Variants in NRG3 observed in about 807,000 individuals in gnomAD.
The protein encoded by NRG3 is neuregulin 3.
Under a neutral mutation model 66.9 loss-of-function variants are expected in NRG3, and 31 were observed. That is an observed-to-expected ratio of 0.46 (90% CI 0.35 to 0.63). NRG3 has a LOEUF of 0.63. Among genes scored for constraint, NRG3 ranks in the 20% least tolerant of loss-of-function variants. NRG3 has a pLI of 0.00. For synonymous variants in NRG3, 393 were observed against 359.4 expected (o/e 1.09, Z -1.06); for missense variants, 910 against 878.9 (o/e 1.04, Z -0.45).
At chr10:81,988,465 T>A (rs2060610265) in intron 1 of NRG3, among the ~76,000 whole-genome samples, 1 of 152,198 alleles carries the variant, frequency 6.6e-6, no homozygotes, top group South Asian at 2.1e-4. Context: ...TTGTTATTAT[T>A]ATTGCTAATG....
At chr10:81,991,404 G>A (rs2060735034) in intron 1 of NRG3, among the ~76,000 whole-genome samples, 1 of 152,132 alleles carries the variant, frequency 6.6e-6, no homozygotes, top group African/African-American at 2.4e-5. Context: ...CATGCTCAAA[G>A]TCTGTTAATG....
intron 1 of NRG3, among the ~76,000 whole-genome samples, chr10:82,244,202 G>C (rs149267641): frequency 1.3e-5 from 2 of 152,012 alleles, no homozygotes; most frequent in Non-Finnish European, 2.9e-5. Context: ...AATAGCATTC[G>C]TGCTGTTCAA....
chr10:82,215,963 C>T (rs1423524261), intron 1 of NRG3, among the ~76,000 whole-genome samples: 13 of 89,696 alleles, frequency 1.4e-4, no homozygotes, highest in East Asian at 4.7e-4. Flanking sequence ...TTATGTTTTC[C>T]TTTTTTTTTT....
chr10:82,102,287 C>A (rs552634304), intron 1 of NRG3, among the ~76,000 whole-genome samples: 1 of 149,732 alleles, frequency 6.7e-6, no homozygotes, highest in Non-Finnish European at 1.5e-5. Context: ...GCCATCCCAT[C>A]ATTCTTTGGT....
chr10:82,096,329 A>G (rs1404517893), intron 1 of NRG3, among the ~76,000 whole-genome samples: 1 of 152,058 alleles, frequency 6.6e-6, no homozygotes, highest in Admixed American at 6.5e-5. Context: ...ACAACAAATT[A>G]GCTGGGCATG....
chr10:82,567,071 G>T (rs2045454669), intron 2 of NRG3, among the ~76,000 whole-genome samples: 1 of 151,934 alleles, frequency 6.6e-6, no homozygotes, highest in African/African-American at 2.4e-5. Context: ...AAACCCACAG[G>T]TTCCATGGTC....
intron 3 of NRG3, among the ~76,000 whole-genome samples, chr10:82,740,074 T>C (rs186278528): frequency 6.6e-6 from 1 of 151,986 alleles, no homozygotes; most frequent in African/African-American, 2.4e-5. Context: ...TTTCTGTTTT[T>C]ATCCCTTCTC....
chr10:82,555,003 C>T (rs1291977097), intron 2 of NRG3, among the ~76,000 whole-genome samples: 1 of 152,152 alleles, frequency 6.6e-6, no homozygotes, highest in Non-Finnish European at 1.5e-5. Context: ...CCTTCCTCCA[C>T]TCCCTCACTG....
At chr10:82,731,790 A>G (rs975195764) in intron 2 of NRG3, among the ~76,000 whole-genome samples, 2 of 152,214 alleles carry the variant, frequency 1.3e-5, no homozygotes, top group Non-Finnish European at 2.9e-5. Context: ...CTATATATCC[A>G]GTAGTGGGAC....
intron 2 of NRG3, among the ~76,000 whole-genome samples, chr10:82,360,404 T>A (rs1178003222): frequency 6.6e-6 from 1 of 152,176 alleles, no homozygotes; most frequent in Non-Finnish European, 1.5e-5. Context: ...ATGCAATCAA[T>A]TATGTTTGAA....
At chr10:82,942,647 G>GCCTTGCCCTTGC (rs372980532) in intron 4 of NRG3, among the ~76,000 whole-genome samples, 3 of 152,326 alleles carry the variant, frequency 2.0e-5, no homozygotes, top group African/African-American at 2.4e-5. Context: ...CCTGGCCTGA[G>GCCTTGCCCTTGC]CCTTGCCCTT....
chr10:82,789,379 T>C (rs2060494505), intron 3 of NRG3, among the ~76,000 whole-genome samples: 1 of 152,122 alleles, frequency 6.6e-6, no homozygotes. Context: ...GTTCTTTATA[T>C]ACTCAGTGGA....
chr10:82,761,912 T>TTCTTTCTTTC (rs973337472), intron 3 of NRG3, among the ~76,000 whole-genome samples: 56 of 140,006 alleles, frequency 4.0e-4, no homozygotes, highest in African/African-American at 1.5e-3. Flanking sequence ...TCTTTCTTCT[T>TTCTTTCTTTC]TCTTTCTTTC....
intron 1 of NRG3, among the ~76,000 whole-genome samples, chr10:82,021,347 T>C (rs1290137464): frequency 6.6e-6 from 1 of 152,102 alleles, no homozygotes; most frequent in Non-Finnish European, 1.5e-5. Context: ...TTGAATTAAG[T>C]TAGTTTTCAG....
At chr10:81,982,267 T>A (rs1162946995) in intron 1 of NRG3, among the ~76,000 whole-genome samples, 1 of 152,222 alleles carries the variant, frequency 6.6e-6, no homozygotes, top group Non-Finnish European at 1.5e-5. Context: ...TTATGGTAAG[T>A]GTTGTCTTTC....
chr10:82,521,604 TGCTGGGATTACAGGCATG>T (rs1449107192), intron 2 of NRG3, among the ~76,000 whole-genome samples: 2 of 152,258 alleles, frequency 1.3e-5, no homozygotes, highest in Non-Finnish European at 1.5e-5. Context: ...CCTCCCAAAG[TGCTGGGATTACAGGCATG>T]GCCACCGTGC....
At chr10:82,663,401 A>G (rs372810516) in intron 2 of NRG3, among the ~76,000 whole-genome samples, 2 of 152,214 alleles carry the variant, frequency 1.3e-5, no homozygotes, top group East Asian at 3.8e-4. Context: ...CAGAGAATGT[A>G]GATCTGAAAA....
intron 1 of NRG3, among the ~76,000 whole-genome samples, chr10:81,904,830 A>T (rs1271767373): frequency 6.6e-6 from 1 of 152,090 alleles, no homozygotes; most frequent in East Asian, 1.9e-4. Context: ...CTCTCAGCCC[A>T]TGTTTCCTCT....
chr10:82,132,339 G>T (rs1212578305), intron 1 of NRG3, among the ~76,000 whole-genome samples: 1 of 149,844 alleles, frequency 6.7e-6, no homozygotes, highest in Non-Finnish European at 1.5e-5. Context: ...TTATCGTGTT[G>T]ATTGATTTGC....
Sources: allele counts gnomAD v4.1 joint callset (sites outside exome capture counted in the v4.1 genomes callset), GRCh38; gene constraint gnomAD v4.1.1; transcripts MANE v1.5; gene names NCBI Gene and HGNC (gene_info 2026-07-23, HGNC 2026-07-21).